Variants in CTNNA2 observed in about 807,000 individuals in gnomAD.
The protein encoded by CTNNA2 is catenin alpha-2.
CTNNA2 carries 42 observed loss-of-function variants against 101.0 expected under a neutral mutation model. The observed-to-expected ratio is 0.42, with a 90% CI of 0.32 to 0.54. CTNNA2 has a LOEUF of 0.54. Among genes scored for constraint, CTNNA2 ranks in the 20% least tolerant of loss-of-function variants. The pLI, the probability that CTNNA2 is intolerant of heterozygous loss-of-function variation, is 0.14. For missense variants in CTNNA2, 871 were observed against 1,223.1 expected (o/e 0.71, Z 4.29); for synonymous variants, 450 against 456.4 (o/e 0.99, Z 0.18).
At chr2:79,557,470 TA>T (rs112449897) in intron 1 of CTNNA2, among the ~76,000 whole-genome samples, 65 of 148,676 alleles carry the variant, frequency 4.4e-4, no homozygotes, top group South Asian at 8.5e-4. Flanking sequence ...TTTCCTTAGT[TA>T]AAAAAAAAAT....
At chr2:79,712,857 A>G (rs1490134673) in intron 2 of CTNNA2, among the ~76,000 whole-genome samples, 1 of 152,348 alleles carries the variant, frequency 6.6e-6, no homozygotes, top group East Asian at 1.9e-4. Flanking sequence ...GATAATATTT[A>G]AGATCTAATG....
intron 1 of CTNNA2, among the ~76,000 whole-genome samples, chr2:79,541,379 C>T (rs1673401755): frequency 6.8e-6 from 1 of 147,872 alleles, no homozygotes; most frequent in African/African-American, 2.5e-5. Flanking sequence ...TGTATAAATA[C>T]ATACATATAC....
At position 80,507,158 on chromosome 2, in the gene CTNNA2, G is replaced by A. The variant is rs548002319; in HGVS notation, c.1291-37824G>A. Among the ~76,000 whole-genome samples the A allele has an allele frequency of 1.6e-4, 24 of 152,270 alleles. No individual in the cohort carries two copies. In the South Asian group the frequency reaches 1.7e-3, roughly 11 times the overall value. On this transcript the variant is annotated intron_variant, in intron 9 of 18. Transcript: ENST00000402739. ...ATTTCGTTCCCTAGTCTCCTCATCT[G>A]TAAATGTAGATAACAATAGTATGTA...
chr2:80,049,385 A>C (rs545123852), intron 7 of CTNNA2, among the ~76,000 whole-genome samples: 1 of 152,340 alleles, frequency 6.6e-6, no homozygotes, highest in South Asian at 2.1e-4. Context: ...TGTGAGTTTT[A>C]AATAATATAA....
At chr2:80,636,540 C>A (rs1291193172) in intron 18 of CTNNA2, among the ~76,000 whole-genome samples, 2 of 151,960 alleles carry the variant, frequency 1.3e-5, no homozygotes, top group Admixed American at 1.3e-4. Flanking sequence ...ACAGTGTATA[C>A]CTGAGAATCG....
intron 7 of CTNNA2, among the ~76,000 whole-genome samples, chr2:80,072,754 G>A (rs1051840738): frequency 1.3e-5 from 2 of 152,132 alleles, no homozygotes; most frequent in East Asian, 1.9e-4. Flanking sequence ...GCAGAGCAGC[G>A]ATGGTGAAGA....
intron 7 of CTNNA2, among the ~76,000 whole-genome samples, chr2:80,190,369 T>A (rs1706413136): frequency 6.6e-6 from 1 of 152,058 alleles, no homozygotes; most frequent in South Asian, 2.1e-4. Flanking sequence ...GCAGGAAAAC[T>A]TCAACCACCT....
At chr2:79,627,460 A>T (rs1179511686) in intron 1 of CTNNA2, among the ~76,000 whole-genome samples, 1 of 152,142 alleles carries the variant, frequency 6.6e-6, no homozygotes, top group East Asian at 1.9e-4. Flanking sequence ...CCTCCCCCTC[A>T]TAGCAGATTT....
chr2:80,537,453 C>T (rs1691140082), intron 9 of CTNNA2, among the ~76,000 whole-genome samples: 1 of 152,128 alleles, frequency 6.6e-6, no homozygotes, highest in African/African-American at 2.4e-5. Flanking sequence ...AATGGAATTG[C>T]TGAGTCAAAT....
chr2:80,169,879 C>T (rs1470288865), intron 7 of CTNNA2, among the ~76,000 whole-genome samples: 1 of 152,176 alleles, frequency 6.6e-6, no homozygotes, highest in Non-Finnish European at 1.5e-5. Flanking sequence ...AGGTGACATC[C>T]TTGACCTTTC....
chr2:80,264,570 C>G (rs991587225), intron 7 of CTNNA2, among the ~76,000 whole-genome samples: 8 of 152,192 alleles, frequency 5.3e-5, no homozygotes, highest in Non-Finnish European at 1.2e-4. Context: ...CACCAACATC[C>G]TCCTCATTGC....
At chr2:80,245,304 G>A (rs151131312) in intron 7 of CTNNA2, among the ~76,000 whole-genome samples, 38 of 152,152 alleles carry the variant, frequency 2.5e-4, no homozygotes, top group Admixed American at 3.9e-4. Context: ...ATTGATTTAG[G>A]GCATATTCCT....
intron 7 of CTNNA2, among the ~76,000 whole-genome samples, chr2:80,092,998 C>CTT (rs202173837): frequency 1.1e-4 from 16 of 150,944 alleles, no homozygotes; most frequent in Non-Finnish European, 1.9e-4. Flanking sequence ...TGTTTCAATT[C>CTT]TTTTTTTTTA....
At chr2:79,686,817 A>G (rs1254725593) in intron 2 of CTNNA2, among the ~76,000 whole-genome samples, 1 of 152,130 alleles carries the variant, frequency 6.6e-6, no homozygotes, top group African/African-American at 2.4e-5. Context: ...TTTGAAAAAA[A>G]TACTAATATG....
In CTNNA2 at chr2:79,885,415, A is replaced by G. The variant is rs1004029619; in HGVS notation, c.852+11073A>G. ...GGTCCCTTAAGGGGCCATGGCCCAG[A>G]GTTCTGACTGGCTCATGGATTCTTA... On this transcript the variant is annotated intron_variant, in intron 6 of 18. Transcript: ENST00000402739. Among the ~76,000 whole-genome samples the G allele has an allele frequency of 1.6e-4, 24 of 152,238 alleles. 1 individual carries two copies. The highest frequency in any genetic ancestry group is 5.8e-4 in the African/African-American group (24 of 41,482).
At chr2:80,531,333 G>A (rs1181161912) in intron 9 of CTNNA2, among the ~76,000 whole-genome samples, 1 of 152,196 alleles carries the variant, frequency 6.6e-6, no homozygotes, top group Non-Finnish European at 1.5e-5. Context: ...TATACTCTAG[G>A]GCTTTGTCTT....
intron 7 of CTNNA2, among the ~76,000 whole-genome samples, chr2:80,206,303 C>G (rs1309137509): frequency 6.6e-6 from 1 of 152,192 alleles, no homozygotes. Flanking sequence ...ATGTAGACCC[C>G]AAGGAATCCT....
At chr2:80,065,651 C>T (rs1171855677) in intron 7 of CTNNA2, among the ~76,000 whole-genome samples, 2 of 152,100 alleles carry the variant, frequency 1.3e-5, no homozygotes, top group East Asian at 1.9e-4. Context: ...CGCACCTGGC[C>T]CCACTTTTCC....
chr2:80,595,272 AT>A (rs1201970032), intron 15 of CTNNA2, among the ~76,000 whole-genome samples: 1 of 143,170 alleles, frequency 7.0e-6, no homozygotes, highest in Non-Finnish European at 1.5e-5. Context: ...TATTTTCTTC[AT>A]TTTCTTTTAG....
Sources: allele counts gnomAD v4.1 joint callset (sites outside exome capture counted in the v4.1 genomes callset), GRCh38; gene constraint gnomAD v4.1.1; transcripts MANE v1.5; gene names NCBI Gene and HGNC (gene_info 2026-07-23, HGNC 2026-07-21).